The following PPP2R2C variants were observed in gnomAD, a reference collection of about 807,000 sequenced individuals.
PPP2R2C encodes protein phosphatase 2, regulatory subunit B, gamma.
In PPP2R2C, 10 loss-of-function variants were observed where a neutral mutation model predicts 45.3. That is an observed-to-expected ratio of 0.22 (90% CI 0.14 to 0.37). The LOEUF (loss-of-function observed/expected upper bound fraction) is 0.37, where lower values mean the gene tolerates loss of function less well. PPP2R2C is among the 10% of genes least tolerant of loss of function. PPP2R2C has a pLI of 1.00. For synonymous variants in PPP2R2C, 257 were observed against 245.4 expected (o/e 1.05, Z -0.44); for missense variants, 308 against 619.7 (o/e 0.50, Z 5.34).
At position 6,555,112 on chromosome 4, in the gene PPP2R2C, G is replaced by A. The variant is rs78323450; in HGVS notation, c.-59+8448C>T. ...AAGGGCTCTGTGCTTCAAGGATGGC[G>A]CCTTCTCACTGCGTCCTCACATGGT... On this transcript the variant is annotated intron_variant, in intron 1 of 9. Transcript: ENST00000506140. 7.1e-3 allele frequency among the ~76,000 whole-genome samples: 1,074 copies of A among 152,204 alleles called. 6 individuals are homozygous for A. The highest frequency in any genetic ancestry group is 0.024 in the African/African-American group (1,010 of 41,512).
In PPP2R2C at chr4:6,321,793, C is replaced by T. The variant is rs1325634697; in HGVS notation, c.*1509G>A. On this transcript the variant is annotated 3_prime_UTR_variant, in exon 9 of 9. Transcript: ENST00000382599. ...TCAGAGGGGTGGGCAGGTTTGGTAT[C>T]ACCAGAACAGGAGCATCTACCATGG... The T allele has an allele frequency of 1.3e-5, 2 of 152,192 alleles. No homozygotes were observed. The highest frequency in any genetic ancestry group is 2.9e-5 in the Non-Finnish European group (2 of 68,042). 9.4% of individuals were successfully genotyped at this position (152,192 alleles called of 1,614,324 possible).
chr4:6,458,045 G>C (rs55922413), intron 1 of PPP2R2C, among the ~76,000 whole-genome samples: 13,759 of 152,180 alleles, frequency 0.09, 830 homozygotes, highest in Non-Finnish European at 0.13. Context: ...AACTCCTCTG[G>C]CTGCATATAA....
chr4:6,384,543 G>A (rs1327554399), intron 1 of PPP2R2C: 4 of 977,348 alleles, frequency 4.1e-6, no homozygotes, highest in East Asian at 1.1e-4. Flanking sequence ...CATACTTAAT[G>A]TATATAATTT....
At chr4:6,549,162 A>G (rs1725095265) in intron 1 of PPP2R2C, among the ~76,000 whole-genome samples, 1 of 152,122 alleles carries the variant, frequency 6.6e-6, no homozygotes, top group Non-Finnish European at 1.5e-5. Context: ...TAGCCTCCAA[A>G]GTCATCCCCT....
chr4:6,323,349 T>C lies in PPP2R2C; in HGVS notation c.1297A>G (p.Asn433Asp). The C allele has an allele frequency of 6.2e-7, 1 of 1,613,400 alleles. No individual in the cohort carries two copies. The highest frequency in any genetic ancestry group is 8.5e-7 in the Non-Finnish European group (1 of 1,179,428). Reference sequence around the variant, plus strand: ...TTGTCCTGGAAGATGTACAGGTTGTTGGTGGCGGCGATGGCAATGATGTTC... The same window carrying C: ...TTGTCCTGGAAGATGTACAGGTTGTCGGTGGCGGCGATGGCAATGATGTTC... ...AENIIAIAAT[N>D]NLYIFQDKVN... is the part of the protein sequence containing the mutation. Residue 433 changes from asparagine to aspartate, a missense_variant, in exon 9 of 9, where the codon AAC becomes GAC. Physicochemically the swap from Asn to Asp is conservative, Grantham distance 23. Transcript: ENST00000382599.
chr4:6,423,706 C>A (rs914552965), intron 1 of PPP2R2C, among the ~76,000 whole-genome samples: 1 of 152,142 alleles, frequency 6.6e-6, no homozygotes, highest in African/African-American at 2.4e-5. Context: ...TGAGGAGGAT[C>A]TCAGGGTGAG....
rs143234675 is a variant in PPP2R2C at position 6,504,390 on chromosome 4, T to C, written c.49+30881A>G. ...ATAATAGAACCCAGAGTGTCTACAA[T>C]GTACTGCTCAAAAATTCAGGGTACA... On this transcript the variant is annotated intron_variant, in intron 2 of 9. Transcript: ENST00000506140. 6.6e-3 allele frequency among the ~76,000 whole-genome samples: 1,009 copies of C among 152,094 alleles called. 7 individuals are homozygous for C. The highest frequency in any genetic ancestry group is 0.023 in the African/African-American group (951 of 41,480).
chr4:6,558,564 T>C (rs1725486658), intron 1 of PPP2R2C, among the ~76,000 whole-genome samples: 1 of 152,214 alleles, frequency 6.6e-6, no homozygotes, highest in Admixed American at 6.5e-5. Context: ...CTCAGCCTGA[T>C]CAACTCTGTG....
At chr4:6,337,369 A>G (rs57154189) in intron 6 of PPP2R2C, among the ~76,000 whole-genome samples, 12,432 of 151,252 alleles carry the variant, frequency 0.082, 1,779 homozygotes, top group African/African-American at 0.29. Context: ...GGCTAAATGG[A>G]TGGAAACAAG....
chr4:6,323,643 TC>T (rs1433069490), intron 8 of PPP2R2C, 50 bp from the exon 9 acceptor site: 2 of 1,461,364 alleles, frequency 1.4e-6, no homozygotes, highest in African/African-American at 2.8e-5. Flanking sequence ...AAGCCCCTTC[TC>T]GAGAAATAAG....
chr4:6,542,644 C>A (rs1411819303), intron 1 of PPP2R2C, among the ~76,000 whole-genome samples: 2 of 139,834 alleles, frequency 1.4e-5, no homozygotes, highest in African/African-American at 5.3e-5. Context: ...GCAAAGGTTG[C>A]AGTGAGCCAA....
chr4:6,398,630 C>G (rs4689432), intron 1 of PPP2R2C, among the ~76,000 whole-genome samples: 4 of 151,928 alleles, frequency 2.6e-5, no homozygotes, highest in Admixed American at 6.5e-5. Context: ...GAGCAAACAG[C>G]CCCTCACACA....
intron 1 of PPP2R2C, chr4:6,381,331 C>A (rs1190572218): frequency 6.6e-7 from 1 of 1,514,958 alleles, no homozygotes; most frequent in Admixed American, 2.0e-5. Context: ...GGACTTGGCA[C>A]AGGCCTGGGG....
At chr4:6,440,417 C>T (rs1450634176) in intron 1 of PPP2R2C, among the ~76,000 whole-genome samples, 1 of 152,196 alleles carries the variant, frequency 6.6e-6, no homozygotes. Context: ...AACTCAGAGT[C>T]CCCTGGGGCC....
At chr4:6,366,451 C>T (rs991310028) in intron 5 of PPP2R2C, among the ~76,000 whole-genome samples, 3 of 152,214 alleles carry the variant, frequency 2.0e-5, no homozygotes, top group East Asian at 1.9e-4. Context: ...TACCTCCTAT[C>T]GCCAAGTCCT....
intron 1 of PPP2R2C, chr4:6,381,350 G>A: frequency 6.7e-7 from 1 of 1,503,056 alleles, no homozygotes; most frequent in Non-Finnish European, 8.9e-7. Flanking sequence ...GGCGACCACA[G>A]TGGCTGGCAG....
intron 5 of PPP2R2C, among the ~76,000 whole-genome samples, chr4:6,363,613 A>G (rs556075721): frequency 1.3e-4 from 20 of 152,104 alleles, no homozygotes; most frequent in African/African-American, 3.9e-4. Flanking sequence ...AAGAAATACT[A>G]CCACCATGGC....
intron 1 of PPP2R2C, among the ~76,000 whole-genome samples, chr4:6,389,243 G>A (rs1188632405): frequency 6.6e-6 from 1 of 152,188 alleles, no homozygotes; most frequent in Non-Finnish European, 1.5e-5. Flanking sequence ...TGGAAACTCT[G>A]GCCGAGGCCT....
rs1724895487 is a variant in PPP2R2C at position 6,544,064 on chromosome 4, A to G, written c.-58-8687T>C. 3.3e-5 allele frequency among the ~76,000 whole-genome samples: 5 copies of G among 152,130 alleles called. No homozygotes were observed. The South Asian group carries it at 1.0e-3, about 32-fold the overall frequency. On this transcript the variant is annotated intron_variant, in intron 1 of 9. Transcript: ENST00000506140. ...AAGAAGCCCAGTGTCCCCTACCCCA[A>G]CCATCCTCACCCTGGCCCCATTTGT...
Sources: allele counts gnomAD v4.1 joint callset (sites outside exome capture counted in the v4.1 genomes callset), GRCh38; gene constraint gnomAD v4.1.1; transcripts MANE v1.5; gene names NCBI Gene and HGNC (gene_info 2026-07-23, HGNC 2026-07-21).